The following SDCCAG8 variants were observed in gnomAD, a reference collection of about 807,000 sequenced individuals.
The protein encoded by SDCCAG8 is SHH signaling and ciliogenesis regulator SDCCAG8.
In SDCCAG8, 74 loss-of-function variants were observed where a neutral mutation model predicts 101.8. The ratio of observed to expected loss-of-function variants is 0.73; its 90% CI spans 0.60 to 0.88. The LOEUF (loss-of-function observed/expected upper bound fraction) is 0.88. Among genes scored for constraint, SDCCAG8 ranks in the 40% least tolerant of loss-of-function variants. The pLI is 0.00. For missense variants in SDCCAG8, 787 were observed against 822.6 expected, an observed-to-expected ratio of 0.96 and a Z score of 0.53; for synonymous variants, 281 against 292.9, an observed-to-expected ratio of 0.96 and a Z score of 0.41.
At chr1:243,482,449 T>A (rs1166933759) in intron 16 of SDCCAG8, among the ~76,000 whole-genome samples, 1 of 152,176 alleles carries the variant, frequency 6.6e-6, no homozygotes, top group Non-Finnish European at 1.5e-5. Context: ...CTGAAATTCC[T>A]GGGATGCCCT....
intron 16 of SDCCAG8, among the ~76,000 whole-genome samples, chr1:243,480,970 G>A (rs1663628288): frequency 5.9e-5 from 9 of 151,788 alleles, no homozygotes; most frequent in Admixed American, 5.9e-4. Context: ...ACTGAGCTGT[G>A]GGGATGGTGA....
chr1:243,374,985 G>C (rs903441227), intron 12 of SDCCAG8, among the ~76,000 whole-genome samples: 1 of 152,022 alleles, frequency 6.6e-6, no homozygotes. Context: ...GACAATTCTA[G>C]AAATAATAAA....
intron 16 of SDCCAG8, chr1:243,476,372 G>A (rs1424301738): frequency 9.1e-6 from 9 of 985,142 alleles, no homozygotes; most frequent in South Asian, 4.7e-5. Context: ...TAAGTGGGCT[G>A]TAGTGATTGA....
intron 1 of SDCCAG8, among the ~76,000 whole-genome samples, chr1:243,261,827 T>C (rs2067211740): frequency 6.6e-6 from 1 of 152,106 alleles, no homozygotes; most frequent in South Asian, 2.1e-4. Flanking sequence ...ATTCATCTTT[T>C]GTTTTATATA....
At chr1:243,475,582 C>T (rs1234186283) in intron 16 of SDCCAG8, among the ~76,000 whole-genome samples, 1 of 152,196 alleles carries the variant, frequency 6.6e-6, no homozygotes, top group East Asian at 1.9e-4. Flanking sequence ...CAGAGATCCT[C>T]TGGGGCCTCT....
chr1:243,262,618 T>C (rs1016382502), intron 1 of SDCCAG8, among the ~76,000 whole-genome samples: 37 of 152,218 alleles, frequency 2.4e-4, no homozygotes, highest in African/African-American at 8.9e-4. Context: ...TAGGAGATTG[T>C]AGGGGTACTT....
At position 243,369,728 on chromosome 1, in the gene SDCCAG8, T is replaced by G. The variant is rs147214904; in HGVS notation, c.1474-8993T>G. Among the ~76,000 whole-genome samples, 16 of 152,256 alleles carry G rather than the reference T, an allele frequency of 1.1e-4. No homozygotes were observed. The South Asian group carries it at 1.2e-3, about 12-fold the overall frequency. On this transcript the variant is annotated intron_variant, in intron 12 of 17. Coordinates refer to ENST00000366541, the MANE Select transcript of SDCCAG8 (RefSeq NM_006642.5). ...AGTGGTAGGTTTTTAACATTGTGAT[T>G]GATGGCTGTCTTTTATAGTTCAGCT...
chr1:243,256,591 A>G (rs2066717222), intron 1 of SDCCAG8, among the ~76,000 whole-genome samples: 1 of 152,244 alleles, frequency 6.6e-6, no homozygotes, highest in Non-Finnish European at 1.5e-5. Flanking sequence ...CAGTTTTTAC[A>G]CATTTAAATT....
At chr1:243,402,018 A>G (rs979193609) in intron 13 of SDCCAG8, among the ~76,000 whole-genome samples, 58 of 152,330 alleles carry the variant, frequency 3.8e-4, no homozygotes, top group African/African-American at 1.4e-3. Context: ...GCTTTGCTAT[A>G]GGGTGGTAGA....
chr1:243,284,640 C>T (rs1039702665), intron 4 of SDCCAG8, among the ~76,000 whole-genome samples: 2 of 152,106 alleles, frequency 1.3e-5, no homozygotes, highest in Non-Finnish European at 2.9e-5. Flanking sequence ...CTGGATTTCT[C>T]TTTTTTTAGG....
chr1:243,477,029 C>CAGAG (rs1387945191), intron 16 of SDCCAG8, among the ~76,000 whole-genome samples: 2 of 145,496 alleles, frequency 1.4e-5, no homozygotes, highest in African/African-American at 5.5e-5. Context: ...CACACACACA[C>CAGAG]ACACAGAGAG....
chr1:243,276,317 C>T (rs1304279997), intron 4 of SDCCAG8, among the ~76,000 whole-genome samples: 3 of 152,090 alleles, frequency 2.0e-5, no homozygotes, highest in Non-Finnish European at 2.9e-5. Context: ...GAGAATGTCT[C>T]ATAGAAATAA....
chr1:243,403,747 T>A (rs1246691601), intron 13 of SDCCAG8, among the ~76,000 whole-genome samples: 1 of 152,162 alleles, frequency 6.6e-6, no homozygotes, highest in Admixed American at 6.5e-5. Flanking sequence ...TGTCACTGTC[T>A]CCCGTCACCC....
At position 243,424,815 on chromosome 1, in the gene SDCCAG8, A is replaced by AT. The variant is rs2081235211; in HGVS notation, c.1854-1605dup. ...TTTGTATTTTTATATTGTAAAATCT[A>AT]TTTTTTTCTTTGTGATTTTTCTTTT... On this transcript the variant is annotated intron_variant, in intron 15 of 17. Coordinates refer to ENST00000366541, the MANE Select transcript of SDCCAG8 (RefSeq NM_006642.5). Among the ~76,000 whole-genome samples the AT allele has an allele frequency of 2.0e-5, 3 of 151,926 alleles. No individual in the cohort carries two copies. The South Asian group carries it at 6.2e-4, about 32-fold the overall frequency.
At chr1:243,478,153 G>A (rs141333969) in intron 16 of SDCCAG8, among the ~76,000 whole-genome samples, 2 of 152,268 alleles carry the variant, frequency 1.3e-5, no homozygotes, top group East Asian at 1.9e-4. Flanking sequence ...GTTACCCAGC[G>A]TGTTCTCTCT....
At chr1:243,476,624 C>T (rs934899971) in intron 16 of SDCCAG8, among the ~76,000 whole-genome samples, 1 of 152,218 alleles carries the variant, frequency 6.6e-6, no homozygotes, top group Non-Finnish European at 1.5e-5. Context: ...AAGATGGCAA[C>T]TGAACAGGAC....
intron 16 of SDCCAG8, among the ~76,000 whole-genome samples, chr1:243,482,087 A>T (rs192426898): frequency 6.6e-6 from 1 of 152,136 alleles, no homozygotes; most frequent in African/African-American, 2.4e-5. Flanking sequence ...ATTTAAATCT[A>T]TGTATTCACT....
intron 13 of SDCCAG8, among the ~76,000 whole-genome samples, chr1:243,411,020 C>T (rs1039087703): frequency 5.3e-5 from 8 of 152,280 alleles, no homozygotes; most frequent in East Asian, 3.9e-4. Context: ...GGCCTACATA[C>T]GCCTGGATTA....
chr1:243,446,260 A>G (rs2082895489), intron 16 of SDCCAG8, among the ~76,000 whole-genome samples: 1 of 152,180 alleles, frequency 6.6e-6, no homozygotes. Flanking sequence ...TCCATGCACT[A>G]TCTTTCCTCC....
Sources: allele counts gnomAD v4.1 joint callset (sites outside exome capture counted in the v4.1 genomes callset), GRCh38; gene constraint gnomAD v4.1.1; transcripts MANE v1.5; gene names NCBI Gene and HGNC (gene_info 2026-07-23, HGNC 2026-07-21).